SOHLH2: variants seen among roughly 807,000 people sequenced by gnomAD.
The protein encoded by SOHLH2 is spermatogenesis and oogenesis specific basic helix-loop-helix 2.
In SOHLH2, 22 loss-of-function variants were observed where a neutral mutation model predicts 50.4. The ratio of observed to expected loss-of-function variants is 0.44; its 90% confidence interval spans 0.31 to 0.62. SOHLH2 has a LOEUF of 0.62. Among genes scored for constraint, SOHLH2 ranks in the 20% least tolerant of loss-of-function variants. The probability of loss-of-function intolerance (pLI) is 0.08; values close to 1 mark genes in which losing one functional copy is unlikely to be tolerated. For synonymous variants in SOHLH2, 185 were observed against 187.3 expected, an observed-to-expected ratio of 0.99 and a Z score of 0.10; for missense variants, 412 against 504.4, an observed-to-expected ratio of 0.82 and a Z score of 1.76.
intron 9 of SOHLH2, among the ~76,000 whole-genome samples, chr13:36,172,353 A>G (rs188063453): frequency 6.6e-6 from 1 of 152,346 alleles, no homozygotes; most frequent in East Asian, 1.9e-4. Flanking sequence ...AGCCACTGCT[A>G]CTTATGGCAA....
chr13:36,203,221 A>G (rs1593958501), intron 1 of SOHLH2, among the ~76,000 whole-genome samples: 1 of 152,202 alleles, frequency 6.6e-6, no homozygotes, highest in African/African-American at 2.4e-5. Flanking sequence ...ACACACATAC[A>G]TAGCTTTTCA....
intron 1 of SOHLH2, among the ~76,000 whole-genome samples, chr13:36,214,260 G>A (rs890310225): frequency 3.9e-5 from 6 of 152,026 alleles, no homozygotes; most frequent in African/African-American, 1.4e-4. Context: ...GGTGGCACCC[G>A]GGGGCACCCT....
chr13:36,173,014 C>T (rs559092010), intron 9 of SOHLH2, among the ~76,000 whole-genome samples: 1,495 of 117,264 alleles, frequency 0.013, 10 homozygotes, highest in Non-Finnish European at 0.023. Flanking sequence ...TTCAGGTACA[C>T]GGGCATGTCT....
chr13:36,181,963 CAAGTG>C (rs1887268624), intron 6 of SOHLH2: 1 of 834,838 alleles, frequency 1.2e-6, no homozygotes, highest in Admixed American at 6.2e-5. Context: ...TTTGCACAAA[CAAGTG>C]AAGAGTCTAA....
At chr13:36,187,182 G>T (rs1043695305) in intron 6 of SOHLH2, among the ~76,000 whole-genome samples, 11 of 152,106 alleles carry the variant, frequency 7.2e-5, no homozygotes, top group Non-Finnish European at 1.3e-4. Context: ...TACTAGATGA[G>T]TGGTTTTAGA....
intron 6 of SOHLH2, among the ~76,000 whole-genome samples, chr13:36,189,575 C>T (rs118114489): frequency 0.01 from 1,598 of 152,330 alleles, 17 homozygotes; most frequent in Non-Finnish European, 0.019. Context: ...AAAACTTTTA[C>T]TGTCCCCTTA....
intron 10 of SOHLH2, among the ~76,000 whole-genome samples, 171 bp from the exon 11 acceptor site, chr13:36,169,225 G>A (rs1290564756): frequency 6.6e-6 from 1 of 152,072 alleles, no homozygotes; most frequent in Non-Finnish European, 1.5e-5. Flanking sequence ...CTTATTAAAA[G>A]TAATTATTTT....
At chr13:36,182,437 C>G (rs7338705) in intron 6 of SOHLH2, 168,913 of 270,238 alleles carry the variant, frequency 0.63, 52,707 homozygotes, top group East Asian at 0.82. Flanking sequence ...GACTCTATGA[C>G]AGTTCTGGGA....
intron 9 of SOHLH2, among the ~76,000 whole-genome samples, chr13:36,172,027 A>G (rs768386244): frequency 5.3e-5 from 8 of 152,190 alleles, no homozygotes; most frequent in Non-Finnish European, 1.2e-4. Flanking sequence ...TCAAACGCAA[A>G]AATGTATTTA....
At chr13:36,174,391 A>G (rs985077258) in intron 8 of SOHLH2, 85 bp downstream of exon 8, 2 of 1,563,026 alleles carry the variant, frequency 1.3e-6, no homozygotes, top group Admixed American at 1.9e-5. Flanking sequence ...TTCACTGTGG[A>G]TAGCAGTTTT....
At chr13:36,182,950 C>G (rs1887299467) in intron 6 of SOHLH2, 1 of 157,572 alleles carries the variant, frequency 6.3e-6, no homozygotes, top group African/African-American at 2.4e-5. Flanking sequence ...GAGGTGGAAC[C>G]TGGTGGGAGG....
intron 6 of SOHLH2, chr13:36,182,216 A>G (rs933037079): frequency 1.0e-5 from 10 of 985,268 alleles, no homozygotes; most frequent in Non-Finnish European, 1.1e-5. Context: ...TCATGGGGAG[A>G]GAATTTTTGC....
chr13:36,168,869 A>G lies in SOHLH2; in HGVS notation c.*165T>C. On this transcript the variant is annotated 3_prime_UTR_variant, in exon 11 of 11. Transcript: ENST00000379881. ...CAGCTTTTTCGCTGCTGGTCTTTCT[A>G]TCTGCAGAAGCTTTGAGTGCATTTA... The G allele has an allele frequency of 5.0e-6, 6 of 1,205,756 alleles. No homozygotes were observed. Among genetic ancestry groups the G allele is most frequent in the Non-Finnish European group, 6.6e-6 (6 of 911,844 alleles). 74.7% of individuals were successfully genotyped at this position (1,205,756 alleles called of 1,614,324 possible). A position where few individuals can be genotyped will look rare whatever the true frequency, so the allele number is the denominator to read the frequency against.
At chr13:36,183,773 A>G (rs1311933765) in intron 6 of SOHLH2, among the ~76,000 whole-genome samples, 1 of 152,190 alleles carries the variant, frequency 6.6e-6, no homozygotes, top group African/African-American at 2.4e-5. Flanking sequence ...AGCTATATTA[A>G]TATCAAAGTA....
chr13:36,189,814 G>A lies in SOHLH2; in HGVS notation c.641+132C>T, dbSNP rs184733570. 2.0e-3 allele frequency: 1,637 copies of A among 817,060 alleles called. 3 individuals are homozygous for A. Among genetic ancestry groups the A allele is most frequent in the Non-Finnish European group, 2.5e-3 (1,365 of 554,424 alleles). The allele number at this position is 817,060 out of a possible 1,614,324, so 50.6% of individuals were successfully genotyped here. A position where few individuals can be genotyped will look rare whatever the true frequency, so the allele number is the denominator to read the frequency against. Reference sequence around the variant, plus strand: ...TGAATGACTACAAGGCTGAATGAGTGAGTGGCATCTATTTGTTTGCTAAGT... The same window carrying A: ...TGAATGACTACAAGGCTGAATGAGTAAGTGGCATCTATTTGTTTGCTAAGT... On this transcript the variant is annotated intron_variant, in intron 6 of 10. Transcript: ENST00000379881.
intron 6 of SOHLH2, chr13:36,182,253 G>A: frequency 1.0e-6 from 1 of 985,406 alleles, no homozygotes; most frequent in Non-Finnish European, 1.2e-6. Context: ...TGTATACAGT[G>A]AAGAGCCTGT....
Position 36,191,817 on chromosome 13 carries a change from A to G in SOHLH2, c.508T>C (p.Phe170Leu). The G allele has an allele frequency of 6.2e-7, 1 of 1,613,920 alleles. No homozygotes were observed. Among genetic ancestry groups the G allele is most frequent in the Non-Finnish European group, 8.5e-7 (1 of 1,179,826 alleles). ...QRSYSEHLGY[F>L]PTDLFACSES... Reference sequence around the variant, plus strand: ...AACCAGGCAAATAGATCAGTAGGAAAATATCCCAGGTGTTCGCTGTAGGAC... The same window carrying G: ...AACCAGGCAAATAGATCAGTAGGAAGATATCCCAGGTGTTCGCTGTAGGAC... Residue 170 changes from phenylalanine (F) to leucine (L), a missense_variant, in exon 5 of 11, where the codon TTT becomes CTT. Physicochemically the swap from Phe to Leu is conservative, Grantham distance 22. Coordinates refer to ENST00000379881, the MANE Select transcript of SOHLH2 (RefSeq NM_017826.3).
chr13:36,172,640 T>C (rs1193172824), intron 9 of SOHLH2, among the ~76,000 whole-genome samples: 1 of 152,260 alleles, frequency 6.6e-6, no homozygotes, highest in Non-Finnish European at 1.5e-5. Flanking sequence ...CACTAAGTTG[T>C]GAGCTCCATA....
chr13:36,208,671 T>G (rs1868926400), intron 1 of SOHLH2, among the ~76,000 whole-genome samples: 1 of 152,140 alleles, frequency 6.6e-6, no homozygotes, highest in Admixed American at 6.6e-5. Flanking sequence ...TTTCTCTGAG[T>G]CTCACAGTTT....
Sources: gnomAD v4.1 joint callset for allele counts (sites outside exome capture counted in the v4.1 genomes callset) on GRCh38, gnomAD v4.1.1 for gene constraint, MANE v1.5 for transcripts, NCBI Gene and HGNC (gene_info 2026-07-23, HGNC 2026-07-21) for gene names.